The following HYCC1 variants were observed in gnomAD, a reference collection of about 807,000 sequenced individuals.
HYCC1 encodes hyccin.
chr7:23,009,901 T>C, the HYCC1 span, among the ~76,000 whole-genome samples: 12 of 152,168 alleles, frequency 7.9e-5, no homozygotes, highest in Non-Finnish European at 1.0e-4. Flanking sequence ...AGTGCAGATA[T>C]GCAGCCTAAC....
the HYCC1 span, among the ~76,000 whole-genome samples, chr7:23,006,624 C>T: frequency 2.6e-5 from 4 of 152,162 alleles, no homozygotes; most frequent in Non-Finnish European, 5.9e-5. Context: ...CTATACATCA[C>T]TCAACATAAT....
At chr7:22,995,938 A>G in the HYCC1 span, among the ~76,000 whole-genome samples, 1 of 152,204 alleles carries the variant, frequency 6.6e-6, no homozygotes, top group African/African-American at 2.4e-5. Flanking sequence ...GATTACAGAC[A>G]TGAGCCACCG....
At chr7:22,945,488 C>A in the HYCC1 span, 1 of 862,388 alleles carries the variant, frequency 1.2e-6, no homozygotes, top group Non-Finnish European at 2.0e-6. Context: ...GACATCAGGG[C>A]TCCTGTCAGG....
the HYCC1 span, among the ~76,000 whole-genome samples, chr7:22,987,493 A>C: frequency 4.6e-5 from 7 of 152,260 alleles, no homozygotes; most frequent in Non-Finnish European, 1.0e-4. Context: ...GGTTGCAGTG[A>C]GCCAAGACTG....
the HYCC1 span, among the ~76,000 whole-genome samples, chr7:22,929,392 G>C: frequency 6.6e-6 from 1 of 152,172 alleles, no homozygotes; most frequent in Non-Finnish European, 1.5e-5. Flanking sequence ...ACCACCATCA[G>C]AGTGAACAGG....
the HYCC1 span, chr7:22,978,309 C>T: frequency 6.2e-7 from 1 of 1,614,114 alleles, no homozygotes; most frequent in Non-Finnish European, 8.5e-7. Context: ...AATGCATCCA[C>T]TGCTATGCAC....
chr7:22,945,583 T>C, the HYCC1 span: 5 of 1,588,710 alleles, frequency 3.1e-6, no homozygotes, highest in African/African-American at 2.7e-5. Context: ...AAAAATATGT[T>C]ACTAATTAAT....
At chr7:23,006,017 A>G in the HYCC1 span, among the ~76,000 whole-genome samples, 2 of 152,146 alleles carry the variant, frequency 1.3e-5, no homozygotes, top group Non-Finnish European at 2.9e-5. Context: ...CTTGTCCACT[A>G]CTGTGACATA....
the HYCC1 span, among the ~76,000 whole-genome samples, chr7:22,907,676 G>A: frequency 1.3e-5 from 2 of 152,132 alleles, no homozygotes; most frequent in African/African-American, 2.4e-5. Context: ...TTGGGAGGCC[G>A]AGGCGGGTGG....
chr7:22,940,586 A>C, the HYCC1 span: 1 of 152,120 alleles, frequency 6.6e-6, no homozygotes, highest in African/African-American at 2.4e-5. Flanking sequence ...GCTATAATGC[A>C]ATTCATGTAA....
chr7:23,010,339 G>A, the HYCC1 span, among the ~76,000 whole-genome samples: 6 of 151,868 alleles, frequency 4.0e-5, no homozygotes. Flanking sequence ...CTTCCTACTT[G>A]TCTCTACTCA....
chr7:22,992,608 G>A, the HYCC1 span, among the ~76,000 whole-genome samples: 1 of 152,026 alleles, frequency 6.6e-6, no homozygotes, highest in South Asian at 2.1e-4. Context: ...AATACTGTGA[G>A]TTTCATAACC....
the HYCC1 span, among the ~76,000 whole-genome samples, chr7:23,005,776 T>C: frequency 1.3e-5 from 2 of 152,244 alleles, no homozygotes; most frequent in African/African-American, 4.8e-5. Flanking sequence ...GACTTGAATA[T>C]TCTGGTTCTA....
At chr7:22,984,128 T>C in the HYCC1 span, 1 of 819,308 alleles carries the variant, frequency 1.2e-6, no homozygotes, top group East Asian at 2.7e-5. Flanking sequence ...GTAAATTAGT[T>C]GTTGCCAGGA....
At chr7:22,929,326 T>A in the HYCC1 span, among the ~76,000 whole-genome samples, 4 of 151,864 alleles carry the variant, frequency 2.6e-5, no homozygotes, top group Admixed American at 1.3e-4. Context: ...GCAACAAAAG[T>A]GAAAATTGAC....
chr7:22,914,209 C>T, the HYCC1 span, among the ~76,000 whole-genome samples: 7 of 152,150 alleles, frequency 4.6e-5, no homozygotes, highest in East Asian at 1.9e-4. Flanking sequence ...CTGATCACCG[C>T]GGGGACGCCT....
the HYCC1 span, among the ~76,000 whole-genome samples, chr7:22,960,576 G>C: frequency 2.0e-5 from 3 of 152,232 alleles, no homozygotes; most frequent in East Asian, 5.8e-4. Flanking sequence ...AGAATAGGAG[G>C]CTAAGAGGGA....
chr7:22,900,615 T>C, the HYCC1 span, among the ~76,000 whole-genome samples: 114 of 151,906 alleles, frequency 7.5e-4, no homozygotes, highest in African/African-American at 2.6e-3. Context: ...AAAATAGCAA[T>C]ACAAAGAAAT....
At chr7:22,916,853 CA>C in the HYCC1 span, among the ~76,000 whole-genome samples, 1 of 152,166 alleles carries the variant, frequency 6.6e-6, no homozygotes, top group Non-Finnish European at 1.5e-5. Context: ...CTCGGGCCCT[CA>C]CTCTTGCAAA....
Sources: allele counts gnomAD v4.1 joint callset (sites outside exome capture counted in the v4.1 genomes callset), GRCh38; gene constraint gnomAD v4.1.1; transcripts MANE v1.5; gene names NCBI Gene and HGNC (gene_info 2026-07-23, HGNC 2026-07-21).